Variants in MAGI2 observed in about 807,000 individuals in gnomAD.
MAGI2 encodes the protein membrane-associated guanylate kinase, WW and PDZ domain-containing protein 2.
Under a neutral mutation model 133.3 loss-of-function variants are expected in MAGI2, and 35 were observed. The ratio of observed to expected loss-of-function variants is 0.26; its 90% CI spans 0.20 to 0.35. The LOEUF is 0.35. MAGI2 is among the 10% of genes least tolerant of loss of function. MAGI2 has a pLI of 1.00. For missense variants in MAGI2, 1,636 were observed against 1,863.4 expected (o/e 0.88, Z 2.25); for synonymous variants, 729 against 710.6 (o/e 1.03, Z -0.41).
At chr7:78,094,588 C>T (rs1318912748) in intron 20 of MAGI2, among the ~76,000 whole-genome samples, 2 of 152,194 alleles carry the variant, frequency 1.3e-5, no homozygotes, top group Non-Finnish European at 2.9e-5. Context: ...AACAATTCCA[C>T]TGGCCTGTCC....
chr7:79,214,395 CTCTCTCTCTCTCTATATA>C (rs1379909579), intron 1 of MAGI2, among the ~76,000 whole-genome samples: 31 of 89,056 alleles, frequency 3.5e-4, no homozygotes, highest in African/African-American at 1.1e-3. Flanking sequence ...CTCTCTCTCT[CTCTCTCTCTCTCTATATA>C]TATATATATA....
intron 1 of MAGI2, among the ~76,000 whole-genome samples, chr7:79,425,574 G>A (rs75909886): frequency 0.089 from 5,142 of 58,082 alleles, 194 homozygotes; most frequent in East Asian, 0.3. Context: ...AGAAAATAAG[G>A]GTTTTATATA....
At chr7:79,262,721 A>AACTT (rs1428996453) in intron 1 of MAGI2, among the ~76,000 whole-genome samples, 1 of 152,202 alleles carries the variant, frequency 6.6e-6, no homozygotes, top group African/African-American at 2.4e-5. Context: ...TGACATGCAT[A>AACTT]ACTTACACAC....
intron 1 of MAGI2, among the ~76,000 whole-genome samples, chr7:79,247,504 T>G (rs1832910460): frequency 6.6e-6 from 1 of 151,986 alleles, no homozygotes; most frequent in African/African-American, 2.4e-5. Context: ...TCCCAGCTGC[T>G]TGGGAGACAA....
At chr7:79,330,220 G>T (rs2129089685) in intron 1 of MAGI2, among the ~76,000 whole-genome samples, 3 of 115,648 alleles carry the variant, frequency 2.6e-5, no homozygotes, top group Non-Finnish European at 3.2e-5. Flanking sequence ...TTTAGAAGGA[G>T]TCTCGCTCTG....
intron 7 of MAGI2, among the ~76,000 whole-genome samples, chr7:78,357,221 C>T (rs1464865266): frequency 6.6e-6 from 1 of 152,076 alleles, no homozygotes; most frequent in Non-Finnish European, 1.5e-5. Flanking sequence ...GATGGTCTGG[C>T]TTCTTTAAGT....
chr7:78,860,357 T>A (rs1247405734), intron 2 of MAGI2, among the ~76,000 whole-genome samples: 1 of 152,200 alleles, frequency 6.6e-6, no homozygotes, highest in East Asian at 1.9e-4. Flanking sequence ...TGCTCTGGTT[T>A]ATCCCCATCT....
chr7:79,289,276 A>G (rs1002344766), intron 1 of MAGI2, among the ~76,000 whole-genome samples: 2 of 152,152 alleles, frequency 1.3e-5, no homozygotes, highest in African/African-American at 4.8e-5. Context: ...TCATGCTCTC[A>G]TAACTACCAA....
intron 1 of MAGI2, among the ~76,000 whole-genome samples, chr7:79,065,825 C>T (rs1814258709): frequency 6.6e-6 from 1 of 152,054 alleles, no homozygotes; most frequent in African/African-American, 2.4e-5. Context: ...GTTTTCTCTT[C>T]TGGTGTTAGT....
intron 2 of MAGI2, among the ~76,000 whole-genome samples, chr7:79,005,830 T>C (rs565148317): frequency 4.3e-4 from 65 of 152,332 alleles, no homozygotes; most frequent in Middle Eastern, 3.4e-3. Context: ...AGTTTAAGAA[T>C]GCACTTTTCT....
chr7:79,392,023 G>T (rs532725975), intron 1 of MAGI2, among the ~76,000 whole-genome samples: 1 of 151,908 alleles, frequency 6.6e-6, no homozygotes, highest in African/African-American at 2.4e-5. Flanking sequence ...ACCACCCTCC[G>T]ACAGGCCCCG....
chr7:78,050,434 T>C (rs1356339076), intron 21 of MAGI2, among the ~76,000 whole-genome samples: 1 of 152,192 alleles, frequency 6.6e-6, no homozygotes, highest in Admixed American at 6.5e-5. Flanking sequence ...AAAGTGAACA[T>C]TGACTAGGAA....
At chr7:78,355,226 G>T (rs1261830626) in intron 7 of MAGI2, among the ~76,000 whole-genome samples, 2 of 152,174 alleles carry the variant, frequency 1.3e-5, no homozygotes, top group Non-Finnish European at 2.9e-5. Flanking sequence ...CCCACAGTGG[G>T]CTGAGTTTGT....
intron 2 of MAGI2, among the ~76,000 whole-genome samples, chr7:78,657,914 T>C (rs530730057): frequency 6.6e-6 from 1 of 152,258 alleles, no homozygotes; most frequent in South Asian, 2.1e-4. Context: ...GGAGGGTATA[T>C]AAGAAATCTC....
chr7:78,125,879 T>C, intron 19 of MAGI2, 42 bp from the exon 20 acceptor site: 1 of 1,593,756 alleles, frequency 6.3e-7, no homozygotes, highest in Non-Finnish European at 8.6e-7. Flanking sequence ...ATTATTTAGT[T>C]ATCAGAGAAG....
At chr7:78,587,632 C>A (rs924101728) in intron 3 of MAGI2, among the ~76,000 whole-genome samples, 1 of 152,176 alleles carries the variant, frequency 6.6e-6, no homozygotes, top group Admixed American at 6.5e-5. Context: ...GACAACCCAA[C>A]CAGTAGATGA....
rs111710271 is a variant in MAGI2 at position 78,552,711 on chromosome 7, T to G, written c.539-31066A>C. ...GCTACAATGGACGGACATAGATTAC[T>G]TGTGTTGTAGCACTACAGAAGGTCA... On this transcript the variant is annotated intron_variant, in intron 3 of 21. Coordinates refer to ENST00000354212, the MANE Select transcript of MAGI2 (RefSeq NM_012301.4). Among the ~76,000 whole-genome samples the G allele has an allele frequency of 7.8e-3, 1,186 of 152,250 alleles. 14 individuals carry two copies. Among genetic ancestry groups the G allele is most frequent in the African/African-American group, 0.028 (1,144 of 41,542 alleles).
chr7:78,133,594 AAG>A (rs1821790682), intron 17 of MAGI2, among the ~76,000 whole-genome samples: 2 of 152,212 alleles, frequency 1.3e-5, no homozygotes, highest in South Asian at 2.1e-4. Flanking sequence ...TGGACACAGG[AAG>A]AGTCACAAAA....
chr7:79,077,574 C>CAAAAAAAAAAAAAAAAAAAAAA (rs769770373), intron 1 of MAGI2, among the ~76,000 whole-genome samples: 2 of 23,790 alleles, frequency 8.4e-5, no homozygotes, highest in African/African-American at 3.0e-4. Flanking sequence ...GACTGCCTCT[C>CAAAAAAAAAAAAAAAAAAAAAA]AAAAAAAAAA....
Sources: gnomAD v4.1 joint callset for allele counts (sites outside exome capture counted in the v4.1 genomes callset) on GRCh38, gnomAD v4.1.1 for gene constraint, MANE v1.5 for transcripts, NCBI Gene and HGNC (gene_info 2026-07-23, HGNC 2026-07-21) for gene names.